Variants in TVP23A observed in about 807,000 individuals in gnomAD.
The protein encoded by TVP23A is Golgi apparatus membrane protein TVP23 homolog A.
In TVP23A, 21 loss-of-function variants were observed where a neutral mutation model predicts 31.7. The observed-to-expected ratio is 0.66, with a 90% CI of 0.47 to 0.95. The LOEUF is 0.95. TVP23A is among the 40% of genes least tolerant of loss of function. TVP23A has a pLI of 0.00. For synonymous variants in TVP23A, 104 were observed against 96.0 expected (o/e 1.08, Z -0.49); for missense variants, 279 against 255.6 (o/e 1.09, Z -0.62).
chr16:10,793,320 G>C (rs2033207204), intron 2 of TVP23A, among the ~76,000 whole-genome samples: 1 of 152,140 alleles, frequency 6.6e-6, no homozygotes, highest in Admixed American at 6.5e-5. Context: ...CGACTCTAGA[G>C]TCTGGGTATG....
downstream of TVP23A, chr16:10,762,073 C>T (rs2030004162): frequency 2.0e-5 from 10 of 500,298 alleles, no homozygotes; most frequent in Non-Finnish European, 3.2e-5. Flanking sequence ...AAGCAGGCCT[C>T]AGGCAGAGGG....
At chr16:10,817,434 G>A (rs1476017119) in intron 2 of TVP23A, among the ~76,000 whole-genome samples, 5 of 152,194 alleles carry the variant, frequency 3.3e-5, no homozygotes, top group Non-Finnish European at 5.9e-5. Flanking sequence ...TTCTAGAAGT[G>A]GCTGCCGCCT....
In TVP23A at chr16:10,769,012, C is replaced by T; in HGVS notation, c.*90G>A. 2 of 1,603,824 alleles carry T rather than the reference C, an allele frequency of 1.2e-6. No homozygotes were observed. The highest frequency in any genetic ancestry group is 1.7e-6 in the Non-Finnish European group (2 of 1,170,656). ...CAGGGCTGTCAAGGGGTAGACAAGC[C>T]ATTAGCACTCTATGCCTGTCGTCTT... On this transcript the variant is annotated 3_prime_UTR_variant, in exon 8 of 8. Transcript: ENST00000299866.
chr16:10,807,266 T>C (rs999218507), intron 2 of TVP23A, among the ~76,000 whole-genome samples: 3 of 152,138 alleles, frequency 2.0e-5, no homozygotes, highest in Admixed American at 6.5e-5. Context: ...AGATGTGCTA[T>C]TGTTGATTTC....
chr16:10,764,201 C>G (rs912159797), downstream of TVP23A, among the ~76,000 whole-genome samples: 1 of 152,178 alleles, frequency 6.6e-6, no homozygotes, highest in Non-Finnish European at 1.5e-5. Context: ...CCCGAAGGAG[C>G]GTCTCAGCCC....
At chr16:10,815,585 G>C (rs7203394) in intron 2 of TVP23A, among the ~76,000 whole-genome samples, 2,619 of 152,314 alleles carry the variant, frequency 0.017, 67 homozygotes, top group South Asian at 0.11. Context: ...CTGGTGAATA[G>C]AGGCCAGGAA....
chr16:10,815,130 A>G (rs983917915), intron 2 of TVP23A, among the ~76,000 whole-genome samples: 5 of 151,104 alleles, frequency 3.3e-5, no homozygotes, highest in African/African-American at 1.2e-4. Flanking sequence ...AGTGGCTCAC[A>G]CCTATAATCT....
At chr16:10,793,344 T>C (rs1369268817) in intron 2 of TVP23A, among the ~76,000 whole-genome samples, 2 of 151,206 alleles carry the variant, frequency 1.3e-5, no homozygotes, top group African/African-American at 4.9e-5. Context: ...AGCATCAAAA[T>C]GAAAGTGTGA....
chr16:10,809,416 C>G (rs1387717383), intron 2 of TVP23A, among the ~76,000 whole-genome samples: 1 of 152,208 alleles, frequency 6.6e-6, no homozygotes, highest in East Asian at 1.9e-4. Context: ...ACTGAGTTGG[C>G]CAGCAGGCCT....
chr16:10,791,276 G>A (rs2033088273), intron 2 of TVP23A, among the ~76,000 whole-genome samples: 1 of 152,156 alleles, frequency 6.6e-6, no homozygotes, highest in African/African-American at 2.4e-5. Flanking sequence ...TTAAAAATAA[G>A]TAGGGTGTTG....
rs889534483 is a variant in TVP23A, at chr16:10,777,181, G to C, written c.90-2085C>G. Reference sequence around the variant, plus strand: ...CGCACCTCAGGGCAGGGGAGGAAAAGGGAGGGATGAAAGGGACTCTTCCCA... The same window carrying C: ...CGCACCTCAGGGCAGGGGAGGAAAACGGAGGGATGAAAGGGACTCTTCCCA... On this transcript the variant is annotated intron_variant, in intron 2 of 7. Transcript: ENST00000299866. This position sits in a 1 kb window ranked among gnomAD's most constrained non-coding sequence, Gnocchi z 4.5. Among the ~76,000 whole-genome samples, 1 of 152,124 alleles carries C rather than the reference G, an allele frequency of 6.6e-6. No individual in the cohort carries two copies. The highest frequency in any genetic ancestry group is 1.5e-5 in the Non-Finnish European group (1 of 68,032).
At chr16:10,764,168 C>G (rs1005598946), downstream of TVP23A, among the ~76,000 whole-genome samples, 4 of 152,190 alleles carry the variant, frequency 2.6e-5, no homozygotes, top group Admixed American at 6.5e-5. Context: ...ACAGGAGTAT[C>G]TCAGCCCACG....
At chr16:10,772,552 T>C (rs1370807732) in intron 5 of TVP23A, among the ~76,000 whole-genome samples, 1 of 152,138 alleles carries the variant, frequency 6.6e-6, no homozygotes, top group Admixed American at 6.5e-5. Context: ...GTATCTATAG[T>C]ACAGACAGGG....
downstream of TVP23A, among the ~76,000 whole-genome samples, chr16:10,759,762 C>T (rs1296452280): frequency 6.6e-6 from 1 of 152,126 alleles, no homozygotes; most frequent in Non-Finnish European, 1.5e-5. The surrounding 1 kb of genome is among the most constrained non-coding windows in gnomAD (Gnocchi z 4.7). Context: ...GGCGACAGAG[C>T]AAGACTCTGT....
intron 2 of TVP23A, among the ~76,000 whole-genome samples, chr16:10,814,989 C>T (rs1207194281): frequency 6.6e-6 from 1 of 152,148 alleles, no homozygotes; most frequent in Non-Finnish European, 1.5e-5. Flanking sequence ...GTATATCTAC[C>T]CTTCCCAGCC....
rs758259597 is a variant in TVP23A, at chr16:10,777,850, A to C, written c.90-2754T>G. ...ACATGGTGAAACCCCGTCTCTACTA[A>C]AAATACAAAAATTAGCTGAGCGTGG... On this transcript the variant is annotated intron_variant, in intron 2 of 7. Coordinates refer to ENST00000299866, the MANE Select transcript of TVP23A (RefSeq NM_001079512.4). This position sits in a 1 kb window ranked among gnomAD's most constrained non-coding sequence, Gnocchi z 4.5. Among the ~76,000 whole-genome samples, 3 of 152,056 alleles carry C rather than the reference A, an allele frequency of 2.0e-5. No homozygotes were observed. The highest frequency in any genetic ancestry group is 4.4e-5 in the Non-Finnish European group (3 of 68,018).
chr16:10,760,269 C>T (rs1900851826), downstream of TVP23A, among the ~76,000 whole-genome samples: 1 of 152,246 alleles, frequency 6.6e-6, no homozygotes. Context: ...GCCACTGTGG[C>T]ATGAAGCAGC....
At chr16:10,804,372 C>G (rs2033846365) in intron 2 of TVP23A, among the ~76,000 whole-genome samples, 2 of 152,206 alleles carry the variant, frequency 1.3e-5, no homozygotes, top group African/African-American at 4.8e-5. Context: ...AATCAGTCAA[C>G]TGAGTGGGTG....
chr16:10,808,763 C>T (rs1397667051), intron 2 of TVP23A, among the ~76,000 whole-genome samples: 2 of 152,044 alleles, frequency 1.3e-5, no homozygotes, highest in African/African-American at 2.4e-5. Flanking sequence ...GGCAACAGAA[C>T]AAGATCTTAT....
Sources: gnomAD v4.1 joint callset for allele counts (sites outside exome capture counted in the v4.1 genomes callset) on GRCh38, gnomAD v4.1.1 for gene constraint, Gnocchi (gnomAD v3.1) non-coding constraint, MANE v1.5 for transcripts, NCBI Gene and HGNC (gene_info 2026-07-23, HGNC 2026-07-21) for gene names.